The following TIGD6 variants were observed in gnomAD, a reference collection of about 807,000 sequenced individuals.
TIGD6 encodes the protein tigger transposable element derived 6.
A neutral mutation model predicts 2.6 loss-of-function variants in TIGD6; 1 was observed. The observed-to-expected ratio is 0.39, with a 90% CI of 0.14 to 1.85. The LOEUF is 1.85. Ranked by LOEUF, TIGD6 falls within the 40% of genes most tolerant of loss-of-function variation. The pLI is 0.32. For missense variants in TIGD6, 601 were observed against 634.2 expected, an observed-to-expected ratio of 0.95 and a Z score of 0.56; for synonymous variants, 193 against 221.9, an observed-to-expected ratio of 0.87 and a Z score of 1.16.
chr5:149,995,466 A>G lies in TIGD6; in HGVS notation c.883T>C (p.Leu295=), dbSNP rs778588530. The change falls in exon 2 of 2, where the codon TTG becomes CTG. Residue 295 remains leucine (L), a synonymous_variant. Coordinates refer to ENST00000296736, the MANE Select transcript of TIGD6 (RefSeq NM_030953.4). ...AGATACCCAACCTGAATCCTTTCCA[A>G]GTGTGGAAGCATGTTATGAGCAGAG... is the stretch of plus-strand genomic sequence containing the variant. ...NCSAHNMLPH[L]ERIQVGYLPS... 1 of 1,614,242 alleles carries G rather than the reference A, an allele frequency of 6.2e-7. No homozygotes were observed. Among genetic ancestry groups the G allele is most frequent in the African/African-American group, 1.3e-5 (1 of 75,058 alleles).
intron 1 of TIGD6, among the ~76,000 whole-genome samples, chr5:149,999,652 C>A (rs750304746): frequency 9.9e-5 from 15 of 152,142 alleles, no homozygotes; most frequent in Non-Finnish European, 1.5e-4. Context: ...ACTGCGTAAA[C>A]CTCATTTGTT....
intron 1 of TIGD6, among the ~76,000 whole-genome samples, chr5:149,998,044 C>T (rs964496752): frequency 1.3e-5 from 2 of 152,128 alleles, no homozygotes; most frequent in African/African-American, 4.8e-5. Flanking sequence ...GCACAAGAAT[C>T]GCTTGAACCC....
chr5:149,995,754 G>T lies in TIGD6; in HGVS notation c.595C>A (p.His199Asn). 1 of 1,614,134 alleles carries T rather than the reference G, an allele frequency of 6.2e-7. No homozygotes were observed. The highest frequency in any genetic ancestry group is 8.5e-7 in the Non-Finnish European group (1 of 1,180,034). ...PQHTLAAKGD[H>N]CRGGKKAKQR... ...TTTGCTTTCTTGCCCCCTCTACAGT[G>T]GTCTCCTTTAGCAGCAAGTGTGTGC... The change falls in exon 2 of 2, where the codon CAC becomes AAC. Residue 199 changes from histidine to asparagine, a missense_variant. Coordinates refer to ENST00000296736, the MANE Select transcript of TIGD6 (RefSeq NM_030953.4).
Position 149,993,670 on chromosome 5 carries a change from A to AT in TIGD6, c.*1112dup, listed in dbSNP as rs1393217785. The AT allele has an allele frequency of 2.0e-5, 3 of 151,908 alleles. No homozygotes were observed. Among genetic ancestry groups the AT allele is most frequent in the Non-Finnish European group, 4.4e-5 (3 of 68,028 alleles). 9.4% of individuals were successfully genotyped at this position (151,908 alleles called of 1,614,324 possible). ...CAAGTGATCTTCCCAATGTGCTGGG[A>AT]TTACAGGCATGAGCCACCATGCCCA... On this transcript the variant is annotated 3_prime_UTR_variant, in exon 2 of 2. Coordinates refer to ENST00000296736, the MANE Select transcript of TIGD6 (RefSeq NM_030953.4).
At chr5:149,997,948 A>C (rs1041710785) in intron 1 of TIGD6, among the ~76,000 whole-genome samples, 6 of 151,280 alleles carry the variant, frequency 4.0e-5, no homozygotes, top group Admixed American at 6.6e-5. Flanking sequence ...GTGACAGAGC[A>C]AGACTCCGTC....
rs368862077 is a variant in TIGD6, at chr5:149,996,173, C to T, written c.176G>A (p.Arg59Gln). The T allele has an allele frequency of 2.5e-5, 40 of 1,614,206 alleles. No homozygotes were observed. The highest frequency in any genetic ancestry group is 1.6e-4 in the Middle Eastern group (1 of 6,062). The change falls in exon 2 of 2, where the codon CGG becomes CAG. Residue 59 changes from arginine (R) to glutamine (Q), a missense_variant. Coordinates refer to ENST00000296736, the MANE Select transcript of TIGD6 (RefSeq NM_030953.4). ...KDRTKFEEKV[R>Q]EASVGPQRKR... is the part of the protein sequence containing the mutation. ...CCGCTGGGGTCCCACGGATGCCTCCCGCACCTTTTCTTCAAATTTGGTGCG... is the reference window on the plus strand; with the variant it reads ...CCGCTGGGGTCCCACGGATGCCTCCTGCACCTTTTCTTCAAATTTGGTGCG...
At position 149,993,244 on chromosome 5, in the gene TIGD6, A is replaced by G. The variant is rs571802707; in HGVS notation, c.*1539T>C. The G allele has an allele frequency of 1.3e-5, 2 of 152,338 alleles. No individual in the cohort carries two copies. Among genetic ancestry groups the G allele is most frequent in the South Asian group, 2.1e-4 (1 of 4,820 alleles). 9.4% of individuals were successfully genotyped at this position (152,338 alleles called of 1,614,324 possible). A position where few individuals can be genotyped will look rare whatever the true frequency, so the allele number is the denominator to read the frequency against. On this transcript the variant is annotated 3_prime_UTR_variant, in exon 2 of 2. Transcript: ENST00000296736. ...TGTTAATGTGGAAGCAACATTTTCT[A>G]TGATTAATCTGCTGTTACCTGTTTT...
In TIGD6 at chr5:149,995,499, CTA is replaced by C. The variant is rs1449457220; in HGVS notation, c.848_849del (p.Ile283ArgfsTer7). 11 of 1,614,270 alleles carry C rather than the reference CTA, an allele frequency of 6.8e-6. No homozygotes were observed. Among genetic ancestry groups the C allele is most frequent in the Middle Eastern group, 1.6e-4 (1 of 6,062 alleles). On this transcript the variant is annotated frameshift_variant, in exon 2 of 2. Coordinates refer to ENST00000296736, the MANE Select transcript of TIGD6 (RefSeq NM_030953.4). LOFTEE classifies it low-confidence loss of function (END_TRUNC). ...KRAERRILLLIDNCSAHNMLP... is the reference protein window; with the variant it reads ...KRAERRILLLXDNCSAHNMLP... ...AGCATGTTATGAGCAGAGCAGTTGT[CTA>C]TGAGCAAGAGGATCCGGCGTTCCGC...
At position 149,994,859 on chromosome 5, in the gene TIGD6, A is replaced by G; in HGVS notation, c.1490T>C (p.Ile497Thr). The G allele has an allele frequency of 6.2e-7, 1 of 1,601,600 alleles. No individual in the cohort carries two copies. Among genetic ancestry groups the G allele is most frequent in the South Asian group, 1.1e-5 (1 of 89,042 alleles). ...CACTCTTTTCATTAAATATTCATCTATGCCATTTAATTGTCCAAAAATGGC... is the reference window on the plus strand; with the variant it reads ...CACTCTTTTCATTAAATATTCATCTGTGCCATTTAATTGTCCAAAAATGGC... ...PDAIFGQLNG[I>T]DEYLMKRVTQ... The change falls in exon 2 of 2, where the codon ATA becomes ACA. Residue 497 changes from isoleucine to threonine, a missense_variant. Physicochemically the swap from Ile to Thr is moderately conservative, Grantham distance 89. Coordinates refer to ENST00000296736, the MANE Select transcript of TIGD6 (RefSeq NM_030953.4).
Position 149,996,149 on chromosome 5 carries a change from C to A in TIGD6, c.200G>T (p.Arg67Leu), listed in dbSNP as rs140912647. 5 of 1,610,036 alleles carry A rather than the reference C, an allele frequency of 3.1e-6. No homozygotes were observed. The highest frequency in any genetic ancestry group is 2.2e-5 in the East Asian group (1 of 44,890). Residue 67 changes from arginine (R) to leucine (L), a missense_variant, in exon 2 of 2, where the codon CGG (arginine) becomes CTG (leucine). Physicochemically the swap from Arg to Leu is moderately radical, Grantham distance 102. Coordinates refer to ENST00000296736, the MANE Select transcript of TIGD6 (RefSeq NM_030953.4). Reference protein sequence around the residue: ...KVREASVGPQRKRMRSALYDD... With the variant: ...KVREASVGPQLKRMRSALYDD... ...ATAAAGAGCGCTCCTCATCCTTTTC[C>A]GCTGGGGTCCCACGGATGCCTCCCG...
At position 149,995,504 on chromosome 5, in the gene TIGD6, A is replaced by G. The variant is rs766404116; in HGVS notation, c.845T>C (p.Leu282Pro). Reference protein sequence around the residue: ...MKRAERRILLLIDNCSAHNML... With the variant: ...MKRAERRILLPIDNCSAHNML... Reference sequence around the variant, plus strand: ...GTTATGAGCAGAGCAGTTGTCTATGAGCAAGAGGATCCGGCGTTCCGCCCT... The same window carrying G: ...GTTATGAGCAGAGCAGTTGTCTATGGGCAAGAGGATCCGGCGTTCCGCCCT... Residue 282 changes from leucine (L) to proline (P), a missense_variant, in exon 2 of 2, where the codon CTC becomes CCC. Coordinates refer to ENST00000296736, the MANE Select transcript of TIGD6 (RefSeq NM_030953.4). 11 of 1,614,276 alleles carry G rather than the reference A, an allele frequency of 6.8e-6. No homozygotes were observed. In the Middle Eastern group the frequency reaches 4.9e-4, roughly 73 times the overall value.
chr5:149,994,985 T>A lies in TIGD6; in HGVS notation c.1364A>T (p.Glu455Val), dbSNP rs1433589087. 1 of 1,613,816 alleles carries A rather than the reference T, an allele frequency of 6.2e-7. No homozygotes were observed. Among genetic ancestry groups the A allele is most frequent in the South Asian group, 1.1e-5 (1 of 91,018 alleles). The change falls in exon 2 of 2, where the codon GAG (glutamate) becomes GTG (valine). Residue 455 changes from glutamate to valine, a missense_variant. Physicochemically the swap from Glu to Val is moderately radical, Grantham distance 121 (BLOSUM62 -2). Transcript: ENST00000296736. ...TSEAGSEDEG[E>V]VSLPEQPKVT... is the part of the protein sequence containing the mutation. ...TTTTGGTTGCTCTGGTAAAGATACC[T>A]CCCCTTCATCTTCACTTCCTGCTTC...
Position 149,995,643 on chromosome 5 carries a change from G to A in TIGD6, c.706C>T (p.His236Tyr), listed in dbSNP as rs755593489. ...AGGGAATGAATGTTCTTGAGGCAGT[G>A]TGGGCTGGCTGACCTACCAACAATC... is the stretch of plus-strand genomic sequence containing the variant. Reference protein sequence around the residue: ...PLIVGRSASPHCLKNIHSLPC... With the variant: ...PLIVGRSASPYCLKNIHSLPC... The change falls in exon 2 of 2, where the codon CAC (histidine) becomes TAC (tyrosine). Residue 236 changes from histidine (H) to tyrosine (Y), a missense_variant. Transcript: ENST00000296736. 1.2e-6 allele frequency: 2 copies of A among 1,614,256 alleles called. No individual in the cohort carries two copies. Among genetic ancestry groups the A allele is most frequent in the South Asian group, 2.2e-5 (2 of 91,092 alleles).
rs1471671567 is a variant in TIGD6, at chr5:149,995,049, C to CT, written c.1299dup (p.Asp434ArgfsTer14). 1.2e-6 allele frequency: 2 copies of CT among 1,614,212 alleles called. No individual in the cohort carries two copies. Among genetic ancestry groups the CT allele is most frequent in the Non-Finnish European group, 1.7e-6 (2 of 1,180,048 alleles). On this transcript the variant is annotated frameshift_variant, in exon 2 of 2. Transcript: ENST00000296736. LOFTEE classifies it low-confidence loss of function (END_TRUNC). ...CCAGCCACCATGTCCTGGATGATGT[C>CT]TGTGTCCTGAGAGATAATGAGATCA...
At chr5:149,999,470 A>T (rs1412174508) in intron 1 of TIGD6, among the ~76,000 whole-genome samples, 1 of 152,124 alleles carries the variant, frequency 6.6e-6, no homozygotes, top group African/African-American at 2.4e-5. Context: ...CTTGGATTAG[A>T]GTAGTAATAG....
chr5:149,996,134 C>T lies in TIGD6; in HGVS notation c.215G>A (p.Ser72Asn). ...CTTATCAATGTCATCATAAAGAGCG[C>T]TCCTCATCCTTTTCCGCTGGGGTCC... Reference protein sequence around the residue: ...SVGPQRKRMRSALYDDIDKAV... With the variant: ...SVGPQRKRMRNALYDDIDKAV... Residue 72 changes from serine to asparagine, a missense_variant, in exon 2 of 2, where the codon AGC becomes AAC. Transcript: ENST00000296736. 1 of 1,612,904 alleles carries T rather than the reference C, an allele frequency of 6.2e-7. No individual in the cohort carries two copies. The highest frequency in any genetic ancestry group is 8.5e-7 in the Non-Finnish European group (1 of 1,180,030).
Position 149,994,723 on chromosome 5 carries a change from C to T in TIGD6, c.*60G>A. The T allele has an allele frequency of 5.5e-6, 8 of 1,449,680 alleles. No individual in the cohort carries two copies. The highest frequency in any genetic ancestry group is 6.4e-6 in the Non-Finnish European group (7 of 1,095,340). The allele number at this position is 1,449,680 out of a possible 1,614,324, so 89.8% of individuals were successfully genotyped here. ...CATTGCTTTACTTAAATTGGCTCAACAACCTATCTAAAGAAATCTTTATTC... is the reference window on the plus strand; with the variant it reads ...CATTGCTTTACTTAAATTGGCTCAATAACCTATCTAAAGAAATCTTTATTC... On this transcript the variant is annotated 3_prime_UTR_variant, in exon 2 of 2. Coordinates refer to ENST00000296736, the MANE Select transcript of TIGD6 (RefSeq NM_030953.4).
At chr5:149,998,108 G>T (rs1057138917) in intron 1 of TIGD6, among the ~76,000 whole-genome samples, 1 of 151,780 alleles carries the variant, frequency 6.6e-6, no homozygotes, top group South Asian at 2.1e-4. Context: ...CCAGCCTGGC[G>T]ACAGAGCGAG....
At chr5:149,999,437 G>A (rs1755483603) in intron 1 of TIGD6, among the ~76,000 whole-genome samples, 1 of 152,182 alleles carries the variant, frequency 6.6e-6, no homozygotes, top group East Asian at 1.9e-4. Context: ...AAAAAAGCAG[G>A]AGTCCACATG....
Sources: gnomAD v4.1 joint callset for allele counts (sites outside exome capture counted in the v4.1 genomes callset) on GRCh38, gnomAD v4.1.1 for gene constraint, MANE v1.5 for transcripts, NCBI Gene and HGNC (gene_info 2026-07-23, HGNC 2026-07-21) for gene names.